Variants in MAP2K4 observed in about 807,000 individuals in gnomAD.
MAP2K4 encodes dual specificity mitogen-activated protein kinase kinase 4.
A neutral mutation model predicts 48.5 loss-of-function variants in MAP2K4; 4 were observed. That is an observed-to-expected ratio of 0.08 (90% CI 0.04 to 0.19). The LOEUF is 0.19. MAP2K4 is among the 10% of genes least tolerant of loss of function. The pLI is 1.00. For synonymous variants in MAP2K4, 166 were observed against 173.1 expected (o/e 0.96, Z 0.32); for missense variants, 258 against 493.3 (o/e 0.52, Z 4.52).
At position 12,093,057 on chromosome 17, in the gene MAP2K4, C is replaced by G. The variant is rs1971615086; in HGVS notation, c.394-2518C>G. 6.6e-5 allele frequency among the ~76,000 whole-genome samples: 10 copies of G among 152,200 alleles called. No homozygotes were observed. The South Asian group carries it at 1.9e-3, about 28-fold the overall frequency. On this transcript the variant is annotated intron_variant, in intron 3 of 10. Transcript: ENST00000353533. ...AAAAGTTAGCTGTATTTGTTCAATT[C>G]CAAACAATTCAGATGCAATACCAGC...
At chr17:12,060,748 C>T (rs75069566) in intron 2 of MAP2K4, among the ~76,000 whole-genome samples, 25,538 of 150,390 alleles carry the variant, frequency 0.17, 2,512 homozygotes, top group South Asian at 0.3. Flanking sequence ...TGTGTGTGTG[C>T]GCGCGTGTGT....
At chr17:12,076,983 G>T (rs1194878553) in intron 2 of MAP2K4, among the ~76,000 whole-genome samples, 1 of 152,080 alleles carries the variant, frequency 6.6e-6, no homozygotes, top group Non-Finnish European at 1.5e-5. Flanking sequence ...AAGAAACCTT[G>T]GAATGACACA....
At chr17:12,088,944 C>T (rs1971472697) in intron 3 of MAP2K4, among the ~76,000 whole-genome samples, 1 of 147,280 alleles carries the variant, frequency 6.8e-6, no homozygotes, top group Admixed American at 6.8e-5. Context: ...CAGAGTCTCG[C>T]TCTGTCACCC....
chr17:12,103,338 C>T (rs1261646476), intron 4 of MAP2K4, among the ~76,000 whole-genome samples: 2 of 151,746 alleles, frequency 1.3e-5, no homozygotes, highest in Non-Finnish European at 2.9e-5. Context: ...TGAGCCATGG[C>T]GTCTGGCCTC....
intron 3 of MAP2K4, among the ~76,000 whole-genome samples, chr17:12,086,178 T>C (rs2151552768): frequency 6.6e-6 from 1 of 152,342 alleles, no homozygotes; most frequent in Admixed American, 6.5e-5. Context: ...GCAGATGTCA[T>C]GGCTCTTTTG....
intron 4 of MAP2K4, among the ~76,000 whole-genome samples, chr17:12,104,100 C>A (rs916694407): frequency 1.1e-4 from 17 of 152,300 alleles, no homozygotes; most frequent in Middle Eastern, 3.4e-3. Context: ...TAAATTTCCA[C>A]CAAAATTTCT....
intron 1 of MAP2K4, among the ~76,000 whole-genome samples, chr17:12,029,908 CCT>C (rs1451404203): frequency 6.6e-6 from 1 of 150,968 alleles, no homozygotes; most frequent in African/African-American, 2.4e-5. Flanking sequence ...ACAGCAAGAC[CCT>C]GTCTCTAAAA....
At chr17:12,061,879 G>A (rs545636784) in intron 2 of MAP2K4, among the ~76,000 whole-genome samples, 1 of 150,514 alleles carries the variant, frequency 6.6e-6, no homozygotes, top group Non-Finnish European at 1.5e-5. Context: ...CTATATGAAG[G>A]TAACTTTTTT....
chr17:12,078,076 CAT>C (rs1317867752), intron 2 of MAP2K4, among the ~76,000 whole-genome samples: 6 of 152,188 alleles, frequency 3.9e-5, no homozygotes, highest in African/African-American at 7.2e-5. Flanking sequence ...AGGGCCTTAA[CAT>C]GTGGATTTTG....
At chr17:12,073,989 A>C (rs181283373) in intron 2 of MAP2K4, among the ~76,000 whole-genome samples, 1 of 151,950 alleles carries the variant, frequency 6.6e-6, no homozygotes, top group Non-Finnish European at 1.5e-5. Context: ...GGCCAAGCTG[A>C]GCTCAAACTC....
At chr17:12,113,442 C>A in intron 7 of MAP2K4, 82 bp downstream of exon 7, 1 of 1,498,146 alleles carries the variant, frequency 6.7e-7, no homozygotes, top group South Asian at 1.3e-5. Flanking sequence ...ATTAGTCATA[C>A]GGTTTTACCA....
intron 9 of MAP2K4, among the ~76,000 whole-genome samples, chr17:12,131,509 C>T (rs1002816363): frequency 2.0e-5 from 3 of 151,770 alleles, no homozygotes; most frequent in Admixed American, 1.3e-4. Context: ...CCTCCCAGAG[C>T]GCTGGGATTA....
chr17:12,069,001 G>A (rs1970704814), intron 2 of MAP2K4, among the ~76,000 whole-genome samples: 1 of 152,098 alleles, frequency 6.6e-6, no homozygotes, highest in Non-Finnish European at 1.5e-5. Flanking sequence ...AACATTTAGA[G>A]GTTGGATAGA....
intron 2 of MAP2K4, among the ~76,000 whole-genome samples, chr17:12,056,371 C>T (rs1970282767): frequency 6.6e-6 from 1 of 151,950 alleles, no homozygotes; most frequent in Admixed American, 6.5e-5. Context: ...ATTCATGGAG[C>T]AAAATTTTTT....
intron 1 of MAP2K4, among the ~76,000 whole-genome samples, chr17:12,025,556 CAAGA>C (rs1258308456): frequency 1.3e-5 from 2 of 152,100 alleles, no homozygotes; most frequent in African/African-American, 2.4e-5. Flanking sequence ...ATACTTGTTA[CAAGA>C]AATAGTTAGA....
At chr17:12,130,261 T>G (rs1972980986) in intron 9 of MAP2K4, among the ~76,000 whole-genome samples, 1 of 152,188 alleles carries the variant, frequency 6.6e-6, no homozygotes, top group Admixed American at 6.5e-5. Context: ...CAAATTCTAC[T>G]TTTGTGTTGG....
rs1329464886 is a variant in MAP2K4, at chr17:12,107,904, T to C, written c.628T>C (p.Leu210=). ...AGAAGAAATTTTAGGCAAAATCACT[T>C]TAGCAGTAAGTACCTGGTCTTTAAA... The part of the protein sequence containing the change: ...IPEEILGKIT[L]ATVKALNHLK... The change falls in exon 5 of 11, where the codon TTA becomes CTA. Residue 210 remains leucine (L), a synonymous_variant. Coordinates refer to ENST00000353533, the MANE Select transcript of MAP2K4 (RefSeq NM_003010.4). 6.3e-7 allele frequency: 1 copy of C among 1,593,008 alleles called. No individual in the cohort carries two copies. The highest frequency in any genetic ancestry group is 1.4e-5 in the African/African-American group (1 of 73,488).
At chr17:12,055,125 T>C (rs1267882733) in intron 2 of MAP2K4, 134 bp downstream of exon 2, 10 of 541,202 alleles carry the variant, frequency 1.8e-5, no homozygotes, top group East Asian at 3.0e-5. Context: ...GTTTATTCTT[T>C]TCCTTCTGGA....
intron 4 of MAP2K4, among the ~76,000 whole-genome samples, chr17:12,107,421 T>G (rs1368197694): frequency 6.6e-6 from 1 of 150,630 alleles, no homozygotes; most frequent in African/African-American, 2.4e-5. Flanking sequence ...AAGAAGTTTA[T>G]GTAGTCTCTT....
Sources: allele counts gnomAD v4.1 joint callset (sites outside exome capture counted in the v4.1 genomes callset), GRCh38; gene constraint gnomAD v4.1.1; transcripts MANE v1.5; gene names NCBI Gene and HGNC (gene_info 2026-07-23, HGNC 2026-07-21).